The following DIAPH2 variants were observed in gnomAD, a reference collection of about 807,000 sequenced individuals.
DIAPH2 encodes the protein diaphanous related formin 2.
DIAPH2 carries 35 observed loss-of-function variants against 92.7 expected under a neutral mutation model. The observed-to-expected ratio is 0.38, with a 90% CI of 0.29 to 0.50. The LOEUF is 0.50. Ranked by LOEUF, DIAPH2 falls within the 20% of genes least tolerant of loss-of-function variation. The probability of loss-of-function intolerance (pLI) is 0.94; values close to 1 mark genes in which losing one functional copy is unlikely to be tolerated. For missense variants in DIAPH2, 701 were observed against 819.5 expected (o/e 0.86, Z 1.77); for synonymous variants, 301 against 280.4 (o/e 1.07, Z -0.73).
At chrX:96,875,697 T>C (rs1216110792) in intron 4 of DIAPH2, among the ~76,000 whole-genome samples, 1 of 111,302 alleles carries the variant, frequency 9.0e-6, no homozygotes, top group Non-Finnish European at 1.9e-5. Context: ...TAGGTTTTTT[T>C]CTTATAGACT....
At chrX:96,797,341 C>CATGGT (rs749622756) in intron 4 of DIAPH2, among the ~76,000 whole-genome samples, 1 of 111,001 alleles carries the variant, frequency 9.0e-6, no homozygotes, top group Non-Finnish European at 1.9e-5. Context: ...ATTAGCAAGG[C>CATGGT]ATGGTAGCAC....
intron 20 of DIAPH2, among the ~76,000 whole-genome samples, chrX:97,109,258 A>G (rs1176389645): frequency 9.1e-6 from 1 of 110,390 alleles, no homozygotes; most frequent in Non-Finnish European, 1.9e-5. Context: ...CATCTCTGCA[A>G]AAAAATACAA....
intron 15 of DIAPH2, among the ~76,000 whole-genome samples, chrX:96,954,620 T>G: frequency 8.9e-6 from 1 of 112,308 alleles, no homozygotes; most frequent in Non-Finnish European, 1.9e-5. Flanking sequence ...CACATTGAAA[T>G]TCTAATCATG....
In DIAPH2 at chrX:97,600,049, G is replaced by A. The variant is rs1405020382; in HGVS notation, c.*732G>A. On this transcript the variant is annotated 3_prime_UTR_variant, in exon 27 of 27. Transcript: ENST00000324765. Reference sequence around the variant, plus strand: ...AAGTGATTTAAACTTTATTTAAAGAGGTATTTTCTAATTATGCACAGATAT... The same window carrying A: ...AAGTGATTTAAACTTTATTTAAAGAAGTATTTTCTAATTATGCACAGATAT... 1 of 112,247 alleles carries A rather than the reference G, an allele frequency of 8.9e-6. No homozygotes were observed. The highest frequency in any genetic ancestry group is 1.9e-5 in the Non-Finnish European group (1 of 53,082). The allele number at this position is 112,247 out of a possible 1,213,427, so 9.3% of individuals were successfully genotyped here.
intron 4 of DIAPH2, among the ~76,000 whole-genome samples, chrX:96,781,448 A>G (rs2064417075): frequency 9.0e-6 from 1 of 111,480 alleles, no homozygotes; most frequent in African/African-American, 3.3e-5. Context: ...TTCCCTTTTA[A>G]TAGAGGGTTA....
intron 1 of DIAPH2, among the ~76,000 whole-genome samples, chrX:96,694,287 A>G (rs922188150): frequency 9.1e-6 from 1 of 109,920 alleles, no homozygotes; most frequent in Non-Finnish European, 1.9e-5. Flanking sequence ...CCTTTCAGCA[A>G]TTTTCTTGAC....
chrX:97,468,437 A>G (rs1391145999), intron 26 of DIAPH2, among the ~76,000 whole-genome samples: 2 of 111,720 alleles, frequency 1.8e-5, no homozygotes, highest in Non-Finnish European at 3.8e-5. Flanking sequence ...AGAAACTACT[A>G]TATGAATCTA....
chrX:97,245,022 G>A lies in DIAPH2; in HGVS notation c.2720-2693G>A, dbSNP rs539028197. 2.1e-4 allele frequency among the ~76,000 whole-genome samples: 23 copies of A among 110,521 alleles called. No homozygotes were observed. The South Asian group carries it at 9.1e-3, about 44-fold the overall frequency. On this transcript the variant is annotated intron_variant, in intron 22 of 26. Transcript: ENST00000324765. The stretch of plus-strand genomic sequence containing the variant: ...GAGAATCACTTGAACCAGGGAATCG[G>A]AGGTTGCAGTGAGCCGAGATATCAT...
chrX:96,805,147 G>A (rs1234275118), intron 4 of DIAPH2, among the ~76,000 whole-genome samples: 2 of 110,409 alleles, frequency 1.8e-5, no homozygotes, highest in African/African-American at 6.6e-5. Flanking sequence ...ATTCTAGTAG[G>A]ACAGATTAAA....
chrX:96,746,059 C>T (rs766252959), intron 3 of DIAPH2, among the ~76,000 whole-genome samples: 2 of 111,088 alleles, frequency 1.8e-5, no homozygotes, highest in African/African-American at 6.5e-5. Context: ...GCCAAATAAA[C>T]GTGATTTTTT....
At chrX:96,741,045 A>T (rs919764767) in intron 3 of DIAPH2, among the ~76,000 whole-genome samples, 1 of 109,424 alleles carries the variant, frequency 9.1e-6, no homozygotes, top group African/African-American at 3.3e-5. Context: ...ACCTTTTAGT[A>T]TCTGCATTCA....
At chrX:96,936,665 A>AT (rs2065659871) in intron 10 of DIAPH2, among the ~76,000 whole-genome samples, 1 of 112,017 alleles carries the variant, frequency 8.9e-6, no homozygotes, top group African/African-American at 3.2e-5. Context: ...CTAAGCAAAA[A>AT]TATAAGGTGG....
chrX:96,818,117 G>C (rs853489), intron 4 of DIAPH2, among the ~76,000 whole-genome samples: 1 of 22,686 alleles, frequency 4.4e-5, no homozygotes, highest in Non-Finnish European at 6.2e-5. Context: ...TAGCTGGGAC[G>C]GCAGGTGCCC....
intron 20 of DIAPH2, among the ~76,000 whole-genome samples, chrX:97,106,810 T>C (rs1602346223): frequency 9.0e-6 from 1 of 111,625 alleles, no homozygotes; most frequent in East Asian, 2.8e-4. Context: ...CGGGTGCCTG[T>C]AATTCCAGTT....
chrX:97,230,057 A>G (rs1184993641), intron 22 of DIAPH2, among the ~76,000 whole-genome samples: 2 of 109,823 alleles, frequency 1.8e-5, no homozygotes, highest in African/African-American at 6.6e-5. Flanking sequence ...AATGCAGCAA[A>G]TGAAACAAAG....
At position 97,178,038 on chromosome X, in the gene DIAPH2, G is replaced by A. The variant is rs186702909; in HGVS notation, c.2719+36244G>A. 2.1e-4 allele frequency among the ~76,000 whole-genome samples: 23 copies of A among 111,178 alleles called. 1 individual carries two copies. In the East Asian group the frequency reaches 6.2e-3, roughly 30 times the overall value. On this transcript the variant is annotated intron_variant, in intron 22 of 26. Coordinates refer to ENST00000324765, the MANE Select transcript of DIAPH2 (RefSeq NM_006729.5). ...AGCCTGGGCAACATGACAAAACAGT[G>A]TTTCTACAAAAATACAAAAAAAGTT...
intron 23 of DIAPH2, among the ~76,000 whole-genome samples, chrX:97,295,734 CT>C (rs35900263): frequency 3.0e-3 from 295 of 98,252 alleles, no homozygotes; most frequent in Admixed American, 4.9e-3. Flanking sequence ...GTATTTTCTT[CT>C]TTTTTTTTTT....
At chrX:96,719,571 C>T (rs2063976924) in intron 1 of DIAPH2, among the ~76,000 whole-genome samples, 1 of 111,540 alleles carries the variant, frequency 9.0e-6, no homozygotes, top group Admixed American at 9.5e-5. Context: ...TTCTTGGCAC[C>T]TTTGTTGAAA....
intron 17 of DIAPH2, among the ~76,000 whole-genome samples, chrX:97,064,658 T>G (rs1249995929): frequency 9.0e-6 from 1 of 111,037 alleles, no homozygotes; most frequent in African/African-American, 3.3e-5. Flanking sequence ...TACCAAGCCA[T>G]GTATAATGAG....
Sources: gnomAD v4.1 joint callset for allele counts (sites outside exome capture counted in the v4.1 genomes callset) on GRCh38, gnomAD v4.1.1 for gene constraint, MANE v1.5 for transcripts, NCBI Gene and HGNC (gene_info 2026-07-23, HGNC 2026-07-21) for gene names.